CAMK1D: variants seen among roughly 807,000 people sequenced by gnomAD.
CAMK1D encodes the protein calcium/calmodulin-dependent protein kinase type 1D.
A neutral mutation model predicts 47.7 loss-of-function variants in CAMK1D; 9 were observed. The observed-to-expected ratio is 0.19, with a 90% confidence interval of 0.11 to 0.33. CAMK1D has a LOEUF of 0.33. Ranked by LOEUF, CAMK1D falls within the 10% of genes least tolerant of loss-of-function variation. The pLI, the probability that CAMK1D is intolerant of heterozygous loss-of-function variation, is 1.00. For missense variants in CAMK1D, 291 were observed against 488.7 expected (o/e 0.60, Z 3.81); for synonymous variants, 184 against 184.9 (o/e 0.99, Z 0.04).
At chr10:12,595,624 CTT>C (rs902935215) in intron 2 of CAMK1D, among the ~76,000 whole-genome samples, 5 of 152,094 alleles carry the variant, frequency 3.3e-5, no homozygotes, top group Non-Finnish European at 7.3e-5. Flanking sequence ...GGCCATGCGT[CTT>C]CTGTCCATAG....
At chr10:12,791,350 G>A in intron 6 of CAMK1D, 117 bp downstream of exon 6, 1 of 841,092 alleles carries the variant, frequency 1.2e-6, no homozygotes, top group Non-Finnish European at 2.0e-6. Context: ...GCAGTTCAGG[G>A]CCATGTTTAA....
At chr10:12,695,060 A>G (rs61847361) in intron 3 of CAMK1D, among the ~76,000 whole-genome samples, 2,036 of 85,980 alleles carry the variant, frequency 0.024, 27 homozygotes, top group Middle Eastern at 0.087. Flanking sequence ...AGATAGATAG[A>G]TAGATACATA....
At chr10:12,360,413 G>C (rs190301824) in intron 1 of CAMK1D, among the ~76,000 whole-genome samples, 127 of 152,274 alleles carry the variant, frequency 8.3e-4, no homozygotes, top group Non-Finnish European at 1.6e-3. Flanking sequence ...AAGAGAAGCT[G>C]TACCAAGCCA....
rs1260422327 is a variant in CAMK1D at position 12,830,607 on chromosome 10, T to C, written c.*1720T>C. 1 of 152,248 alleles carries C rather than the reference T, an allele frequency of 6.6e-6. No homozygotes were observed. Among genetic ancestry groups the C allele is most frequent in the Non-Finnish European group, 1.5e-5 (1 of 68,068 alleles). The allele number at this position is 152,248 out of a possible 1,614,324, so 9.4% of individuals were successfully genotyped here. On this transcript the variant is annotated 3_prime_UTR_variant, in exon 11 of 11. Coordinates refer to ENST00000619168, the MANE Select transcript of CAMK1D (RefSeq NM_153498.4). ...TGTTCGCCTTTGTGGAGCCAGGCAG[T>C]GTGTGGCCCAGGGAAAGCTGCGTTT...
At chr10:12,590,709 T>C (rs1837971167) in intron 2 of CAMK1D, among the ~76,000 whole-genome samples, 1 of 152,226 alleles carries the variant, frequency 6.6e-6, no homozygotes, top group South Asian at 2.1e-4. Flanking sequence ...AGCTGCCGCC[T>C]GTAGAATAAA....
At chr10:12,776,801 A>G (rs1483273603) in intron 5 of CAMK1D, among the ~76,000 whole-genome samples, 1 of 152,122 alleles carries the variant, frequency 6.6e-6, no homozygotes, top group East Asian at 1.9e-4. Flanking sequence ...AAACAGGGAG[A>G]TCTCCAACAA....
intron 7 of CAMK1D, among the ~76,000 whole-genome samples, chr10:12,814,837 TGACTTGCAAACAAAGAG>T (rs1315664749): frequency 6.6e-6 from 1 of 152,228 alleles, no homozygotes; most frequent in African/African-American, 2.4e-5. Flanking sequence ...TATTTGCGTT[TGACTTGCAAACAAAGAG>T]GACAAGCTTG....
chr10:12,391,230 G>A (rs754292580), intron 1 of CAMK1D, among the ~76,000 whole-genome samples: 1 of 152,156 alleles, frequency 6.6e-6, no homozygotes, highest in Non-Finnish European at 1.5e-5. Context: ...AAGCTCGTGT[G>A]GGGCCCTGGG....
At chr10:12,643,405 C>T (rs1317842692) in intron 2 of CAMK1D, among the ~76,000 whole-genome samples, 1 of 152,200 alleles carries the variant, frequency 6.6e-6, no homozygotes, top group Admixed American at 6.5e-5. Flanking sequence ...CAGGGCTGCA[C>T]AGCAGGAGAC....
chr10:12,785,942 G>A (rs548993382), intron 5 of CAMK1D, among the ~76,000 whole-genome samples: 3 of 152,222 alleles, frequency 2.0e-5, no homozygotes, highest in Admixed American at 6.5e-5. Flanking sequence ...GAACATCCTC[G>A]TGGATCTCCA....
chr10:12,403,354 G>A (rs943810429), intron 1 of CAMK1D, among the ~76,000 whole-genome samples: 1 of 152,214 alleles, frequency 6.6e-6, no homozygotes, highest in Non-Finnish European at 1.5e-5. Flanking sequence ...ACCCCTTCAT[G>A]GGTGTGGGAC....
intron 3 of CAMK1D, among the ~76,000 whole-genome samples, chr10:12,683,147 C>A (rs57311611): frequency 6.8e-6 from 1 of 147,916 alleles, no homozygotes; most frequent in Non-Finnish European, 1.5e-5. Flanking sequence ...AGTGCGGTGG[C>A]GTGATCTCAG....
At chr10:12,380,408 T>C (rs1838305172) in intron 1 of CAMK1D, among the ~76,000 whole-genome samples, 1 of 152,198 alleles carries the variant, frequency 6.6e-6, no homozygotes, top group African/African-American at 2.4e-5. Flanking sequence ...GGTTTTGTAA[T>C]GATTATTGAG....
chr10:12,496,043 G>A (rs1244868384), intron 1 of CAMK1D, among the ~76,000 whole-genome samples: 1 of 151,966 alleles, frequency 6.6e-6, no homozygotes, highest in Non-Finnish European at 1.5e-5. Flanking sequence ...TGTCCAGGCT[G>A]GTCTTGAACT....
At chr10:12,624,516 C>T (rs76700200) in intron 2 of CAMK1D, among the ~76,000 whole-genome samples, 5,218 of 152,198 alleles carry the variant, frequency 0.034, 185 homozygotes, top group Non-Finnish European at 0.042. Context: ...CTTTTGTGAC[C>T]GGCCCATTTC....
At chr10:12,726,717 T>C (rs1470156697) in intron 3 of CAMK1D, among the ~76,000 whole-genome samples, 1 of 152,236 alleles carries the variant, frequency 6.6e-6, no homozygotes, top group Non-Finnish European at 1.5e-5. Context: ...CTTGGAGACA[T>C]GGTGACTTGC....
At chr10:12,357,867 ATTTTC>A (rs985771462) in intron 1 of CAMK1D, among the ~76,000 whole-genome samples, 4 of 150,880 alleles carry the variant, frequency 2.7e-5, no homozygotes, top group Admixed American at 6.6e-5. Context: ...ATCTCACTTG[ATTTTC>A]TTTTCTTTTC....
chr10:12,696,891 CT>C (rs1256999632), intron 3 of CAMK1D, among the ~76,000 whole-genome samples: 1 of 152,216 alleles, frequency 6.6e-6, no homozygotes, highest in African/African-American at 2.4e-5. Flanking sequence ...ACTTCTCCAT[CT>C]TTGCAGTCTT....
At chr10:12,439,911 G>C (rs1465757417) in intron 1 of CAMK1D, among the ~76,000 whole-genome samples, 1 of 152,216 alleles carries the variant, frequency 6.6e-6, no homozygotes, top group East Asian at 1.9e-4. Context: ...AGGCAAGAGA[G>C]AGAATGAGAA....
Sources: gnomAD v4.1 joint callset for allele counts (sites outside exome capture counted in the v4.1 genomes callset) on GRCh38, gnomAD v4.1.1 for gene constraint, MANE v1.5 for transcripts, NCBI Gene and HGNC (gene_info 2026-07-23, HGNC 2026-07-21) for gene names.